Variants in PTPRA observed in about 807,000 individuals in gnomAD.
PTPRA encodes the protein protein tyrosine phosphatase receptor type A.
A neutral mutation model predicts 104.8 loss-of-function variants in PTPRA; 25 were observed. The observed-to-expected ratio is 0.24, with a 90% CI of 0.17 to 0.33. The LOEUF (loss-of-function observed/expected upper bound fraction) is 0.33. Among genes scored for constraint, PTPRA ranks in the 10% least tolerant of loss-of-function variants. The probability of loss-of-function intolerance (pLI) is 1.00; values close to 1 mark genes in which losing one functional copy is unlikely to be tolerated. For missense variants in PTPRA, 765 were observed against 1,015.3 expected (o/e 0.75, Z 3.35); for synonymous variants, 323 against 368.9 (o/e 0.88, Z 1.43).
At chr20:2,970,648 T>C (rs1208872891) in intron 5 of PTPRA, among the ~76,000 whole-genome samples, 1 of 152,256 alleles carries the variant, frequency 6.6e-6, no homozygotes, top group Non-Finnish European at 1.5e-5. Flanking sequence ...GGTGGTCATC[T>C]AGATTTTCTG....
chr20:2,900,581 C>T (rs1018194895), intron 1 of PTPRA, among the ~76,000 whole-genome samples: 12 of 152,022 alleles, frequency 7.9e-5, no homozygotes, highest in African/African-American at 2.9e-4. Context: ...CTCAGGTGGG[C>T]GTGGTGGCTC....
intron 1 of PTPRA, among the ~76,000 whole-genome samples, chr20:2,922,238 G>A (rs1418241687): frequency 6.6e-6 from 1 of 152,162 alleles, no homozygotes; most frequent in African/African-American, 2.4e-5. Context: ...GCTTTGTTCT[G>A]TGGCTCCTGG....
chr20:3,033,499 T>C (rs560937329), intron 20 of PTPRA, among the ~76,000 whole-genome samples: 18 of 152,124 alleles, frequency 1.2e-4, no homozygotes, highest in African/African-American at 4.3e-4. Flanking sequence ...TCGTCTGCAG[T>C]GGCCTGGCAA....
chr20:3,027,841 G>A lies in PTPRA; in HGVS notation c.1920G>A (p.Gln640=). Residue 640 remains glutamine (Q), a splice_region_variant and synonymous_variant, in exon 20 of 24, where the codon CAG becomes CAA. Coordinates refer to ENST00000399903, the MANE Select transcript of PTPRA (RefSeq NM_001385305.1). ...VMLTELEERG[Q]EKCAQYWPSD... is the part of the protein sequence containing the mutation. ...TAACAGAACTGGAGGAGAGAGGCCA[G>A]GTGAGTTCAAAAGGTCCTGGGTGGT... is the stretch of plus-strand genomic sequence containing the variant. 1.2e-6 allele frequency: 2 copies of A among 1,614,056 alleles called. No individual in the cohort carries two copies. Among genetic ancestry groups the A allele is most frequent in the Non-Finnish European group, 1.7e-6 (2 of 1,180,000 alleles).
intron 1 of PTPRA, among the ~76,000 whole-genome samples, chr20:2,882,178 C>T (rs540104440): frequency 8.5e-5 from 13 of 152,100 alleles, no homozygotes; most frequent in African/African-American, 3.1e-4. Context: ...TGTGAACAAA[C>T]AATATTAGAA....
chr20:3,018,773 G>A (rs1473438739), intron 13 of PTPRA, among the ~76,000 whole-genome samples: 1 of 144,296 alleles, frequency 6.9e-6, no homozygotes, highest in East Asian at 2.1e-4. Flanking sequence ...GCCGGGCAGA[G>A]GGGCTCCTCA....
At chr20:3,007,816 GTGTGTGTGTGTC>G (rs1042846344) in intron 11 of PTPRA, among the ~76,000 whole-genome samples, 5 of 113,748 alleles carry the variant, frequency 4.4e-5, no homozygotes, top group African/African-American at 2.1e-4. Context: ...GTATATATGT[GTGTGTGTGTGTC>G]TGTGTGTGTG....
intron 11 of PTPRA, among the ~76,000 whole-genome samples, chr20:3,008,694 C>T (rs994063380): frequency 6.9e-6 from 1 of 145,302 alleles, no homozygotes; most frequent in African/African-American, 2.5e-5. Flanking sequence ...AGTTTGAGAC[C>T]AGCCTGACCA....
rs763071203 is a variant in PTPRA, at chr20:2,965,151, G to A, written c.364G>A (p.Glu122Lys). Residue 122 changes from glutamate to lysine, a missense_variant, in exon 5 of 24, where the codon GAG (glutamate) becomes AAG (lysine). This residue lies in a region of PTPRA where 256 missense variants were observed against 248.9 expected (regional missense o/e 1.03). Transcript: ENST00000399903. The part of the protein sequence containing the change: ...QFTDARTEPW[E>K]GNSSTAATTP... Reference sequence around the variant, plus strand: ...CACGGATGCCAGAACAGAACCCTGGGAGGGGAATTCCAGCACCGCAGCAAC... The same window carrying A: ...CACGGATGCCAGAACAGAACCCTGGAAGGGGAATTCCAGCACCGCAGCAAC... 9.3e-6 allele frequency: 15 copies of A among 1,614,166 alleles called. No homozygotes were observed. The highest frequency in any genetic ancestry group is 1.6e-4 in the Middle Eastern group (1 of 6,062).
intron 2 of PTPRA, among the ~76,000 whole-genome samples, chr20:2,947,641 C>T (rs1007604619): frequency 6.6e-6 from 1 of 152,186 alleles, no homozygotes; most frequent in African/African-American, 2.4e-5. Context: ...CCATGCTTGT[C>T]TCATGGACTC....
At chr20:2,994,758 A>G (rs2063332741) in intron 9 of PTPRA, among the ~76,000 whole-genome samples, 1 of 152,236 alleles carries the variant, frequency 6.6e-6, no homozygotes, top group Non-Finnish European at 1.5e-5. Flanking sequence ...GCCTAGCTCA[A>G]CATTAAAACC....
At chr20:2,905,000 A>G (rs1204640934) in intron 1 of PTPRA, among the ~76,000 whole-genome samples, 1 of 152,206 alleles carries the variant, frequency 6.6e-6, no homozygotes, top group Non-Finnish European at 1.5e-5. Context: ...ACTGGGCCAC[A>G]CAGCAGGATA....
At chr20:2,954,598 G>A (rs551934474) in intron 3 of PTPRA, among the ~76,000 whole-genome samples, 2 of 152,228 alleles carry the variant, frequency 1.3e-5, no homozygotes, top group East Asian at 1.9e-4. Flanking sequence ...TCTGCATTTC[G>A]GTTCCTTATT....
At position 2,969,978 on chromosome 20, in the gene PTPRA, T is replaced by TAATAAATA. The variant is rs111309365; in HGVS notation, c.415+4786_415+4793dup. Among the ~76,000 whole-genome samples, 115 of 150,088 alleles carry TAATAAATA rather than the reference T, an allele frequency of 7.7e-4. 1 individual carries two copies. Among genetic ancestry groups the TAATAAATA allele is most frequent in the South Asian group, 3.0e-3 (14 of 4,710 alleles). The stretch of plus-strand genomic sequence containing the variant: ...GAGCAAGACTCTCTCTCTAAATAAA[T>TAATAAATA]AATAAATAAATAAATAACTCCTTTT... On this transcript the variant is annotated intron_variant, in intron 5 of 23. Coordinates refer to ENST00000399903, the MANE Select transcript of PTPRA (RefSeq NM_001385305.1).
intron 9 of PTPRA, among the ~76,000 whole-genome samples, chr20:2,995,630 A>G (rs995854860): frequency 6.6e-6 from 1 of 152,164 alleles, no homozygotes; most frequent in African/African-American, 2.4e-5. Context: ...TTAAAGCCTT[A>G]TCTTTCTCAT....
rs1304455697 is a variant in PTPRA, at chr20:3,018,764, CCGGG to C, written c.1041+853_1041+856del. On this transcript the variant is annotated intron_variant, in intron 13 of 23. Coordinates refer to ENST00000399903, the MANE Select transcript of PTPRA (RefSeq NM_001385305.1). Reference sequence around the variant, plus strand: ...GCACACCTCCCAGACGGGGTGGTGGCCGGGCAGAGGGGCTCCTCACTTCCCAGTA... The same window carrying C: ...GCACACCTCCCAGACGGGGTGGTGGCCAGAGGGGCTCCTCACTTCCCAGTA... Among the ~76,000 whole-genome samples the C allele has an allele frequency of 1.2e-4, 17 of 145,294 alleles. No individual in the cohort carries two copies. In the East Asian group the frequency reaches 1.2e-3, roughly 10 times the overall value.
rs752844949 is a variant in PTPRA at position 3,027,809 on chromosome 20, G to A, written c.1888G>A (p.Val630Met). The change falls in exon 20 of 24, where the codon GTG becomes ATG. Residue 630 changes from valine (V) to methionine (M), a missense_variant. Physicochemically the swap from Val to Met is conservative, Grantham distance 21 (BLOSUM62 1). This residue lies in a region of PTPRA where 192 missense variants were observed against 227.0 expected (regional missense o/e 0.85). Coordinates refer to ENST00000399903, the MANE Select transcript of PTPRA (RefSeq NM_001385305.1). The stretch of plus-strand genomic sequence containing the variant: ...CTGGGAGTGGAAATCCTGCTCTATC[G>A]TGATGCTAACAGAACTGGAGGAGAG... ...MIWEWKSCSI[V>M]MLTELEERGQ... 6.2e-6 allele frequency: 10 copies of A among 1,614,028 alleles called. No individual in the cohort carries two copies. Among genetic ancestry groups the A allele is most frequent in the African/African-American group, 4.0e-5 (3 of 74,924 alleles).
At chr20:2,993,101 AGATT>A (rs111611288) in intron 9 of PTPRA, among the ~76,000 whole-genome samples, 10,076 of 152,186 alleles carry the variant, frequency 0.066, 861 homozygotes, top group African/African-American at 0.2. Flanking sequence ...GTAGGTAGGT[AGATT>A]GATTGATTGA....
At chr20:2,897,388 T>TTC (rs1555800752) in intron 1 of PTPRA, among the ~76,000 whole-genome samples, 1 of 146,590 alleles carries the variant, frequency 6.8e-6, no homozygotes, top group Admixed American at 6.8e-5. Flanking sequence ...GCATTTCTTT[T>TTC]TTTTTTTTTT....
Sources: allele counts gnomAD v4.1 joint callset (sites outside exome capture counted in the v4.1 genomes callset), GRCh38; gene constraint gnomAD v4.1.1; regional missense constraint gnomAD v4.1.1; transcripts MANE v1.5; gene names NCBI Gene and HGNC (gene_info 2026-07-23, HGNC 2026-07-21).